HERC6: variants seen among roughly 807,000 people sequenced by gnomAD.
HERC6 encodes the protein probable E3 ubiquitin-protein ligase HERC6.
HERC6 carries 101 observed loss-of-function variants against 114.5 expected under a neutral mutation model. That is an observed-to-expected ratio of 0.88 (90% CI 0.75 to 1.04). The LOEUF (loss-of-function observed/expected upper bound fraction) is 1.04, where lower values mean the gene tolerates loss of function less well. HERC6 is among the 50% of genes least tolerant of loss of function. The pLI is 0.00. For synonymous variants in HERC6, 408 were observed against 436.2 expected (o/e 0.94, Z 0.81); for missense variants, 1,133 against 1,230.9 (o/e 0.92, Z 1.19).
intron 7 of HERC6, among the ~76,000 whole-genome samples, chr4:88,397,257 C>T (rs1306360251): frequency 6.6e-6 from 1 of 151,712 alleles, no homozygotes; most frequent in Non-Finnish European, 1.5e-5. Flanking sequence ...GGATTACAGG[C>T]ATGCGCCACC....
At chr4:88,415,580 G>A (rs1173040130) in intron 12 of HERC6, among the ~76,000 whole-genome samples, 3 of 152,096 alleles carry the variant, frequency 2.0e-5, no homozygotes, top group East Asian at 1.9e-4. Flanking sequence ...TGAGAATATC[G>A]GTCTGCATAC....
intron 3 of HERC6, among the ~76,000 whole-genome samples, chr4:88,389,151 G>A (rs1234395084): frequency 1.3e-5 from 2 of 152,050 alleles, no homozygotes; most frequent in African/African-American, 2.4e-5. Context: ...AGACACAAAG[G>A]CCATGGGGTT....
chr4:88,401,655 A>C (rs1322348591), intron 8 of HERC6, among the ~76,000 whole-genome samples: 1 of 152,138 alleles, frequency 6.6e-6, no homozygotes, highest in Non-Finnish European at 1.5e-5. Flanking sequence ...AGGTAGGTTG[A>C]TGGTGGGAAG....
chr4:88,408,673 G>C, intron 11 of HERC6, 56 bp downstream of exon 11: 1 of 1,181,868 alleles, frequency 8.5e-7, no homozygotes, highest in Non-Finnish European at 1.2e-6. Context: ...GTTTATTTTT[G>C]TTGGAAGCTG....
At chr4:88,441,508 T>G (rs555616985) in intron 22 of HERC6, among the ~76,000 whole-genome samples, 2 of 152,178 alleles carry the variant, frequency 1.3e-5, no homozygotes, top group South Asian at 4.2e-4. Flanking sequence ...AAGCCCAGGC[T>G]CTTGAGCACT....
chr4:88,407,522 C>T (rs964525823), intron 10 of HERC6, among the ~76,000 whole-genome samples: 6 of 152,088 alleles, frequency 3.9e-5, no homozygotes, highest in Non-Finnish European at 8.8e-5. Context: ...ACCTCAGCCT[C>T]ACAAGTAGCT....
chr4:88,379,152 G>A (rs1463635015), intron 1 of HERC6, 32 bp downstream of exon 1: 40 of 1,505,738 alleles, frequency 2.7e-5, no homozygotes, highest in Non-Finnish European at 3.5e-5. Flanking sequence ...CAGGGTGTGA[G>A]GACCCCAGTA....
intron 5 of HERC6, 59 bp downstream of exon 5, chr4:88,393,641 A>G (rs1735040975): frequency 2.0e-6 from 2 of 1,006,356 alleles, no homozygotes; most frequent in African/African-American, 1.6e-5. Flanking sequence ...CAAGATACAT[A>G]TGTACTAATT....
chr4:88,392,381 G>T (rs556054755), intron 4 of HERC6, among the ~76,000 whole-genome samples: 5 of 151,412 alleles, frequency 3.3e-5, no homozygotes, highest in African/African-American at 1.2e-4. Context: ...ATAGCCTTGG[G>T]GTTTCACCAT....
intron 10 of HERC6, among the ~76,000 whole-genome samples, chr4:88,407,475 C>T (rs910361459): frequency 6.6e-6 from 1 of 152,056 alleles, no homozygotes. Flanking sequence ...ATCATAGCTC[C>T]CTGTAGCCTT....
At chr4:88,437,059 C>CGT in intron 19 of HERC6, 88 bp downstream of exon 19, 1 of 1,011,702 alleles carries the variant, frequency 9.9e-7, no homozygotes, top group Non-Finnish European at 1.4e-6. Flanking sequence ...ATTTGGGATC[C>CGT]CTTTTTTTTT....
In HERC6 at chr4:88,385,512, C is replaced by G. The variant is rs370708346; in HGVS notation, c.373C>G (p.Leu125Val). The G allele has an allele frequency of 2.0e-5, 29 of 1,456,566 alleles. No individual in the cohort carries two copies. Among genetic ancestry groups the G allele is most frequent in the Non-Finnish European group, 2.5e-5 (27 of 1,077,574 alleles). 90.2% of individuals were successfully genotyped at this position (1,456,566 alleles called of 1,614,324 possible). ...TTTGTATTATAGGAAAATAATGACT[C>G]TGAATGATATAAAAATAATACAAGT... is the stretch of plus-strand genomic sequence containing the variant. ...ISFTPKKIMT[L>V]NDIKIIQVSC... The change falls in exon 3 of 23, where the codon CTG becomes GTG. Residue 125 changes from leucine (L) to valine (V), a missense_variant. Around this residue, in one of 3 missense-constraint regions of HERC6, gnomAD observed 735 missense variants for 754.0 expected, o/e 0.97. Transcript: ENST00000264346.
In HERC6 at chr4:88,428,658, T is replaced by G; in HGVS notation, c.2014T>G (p.Phe672Val). 2 of 1,607,936 alleles carry G rather than the reference T, an allele frequency of 1.2e-6. No homozygotes were observed. Among genetic ancestry groups the G allele is most frequent in the Non-Finnish European group, 1.7e-6 (2 of 1,177,166 alleles). ...KKDEFPPSPR[F>V]ILRVRRSRLV... ...GGATGAATTTCCTCCATCACCCAGA[T>G]TTATACTTAGAGTCAGACGAAGTCG... is the stretch of plus-strand genomic sequence containing the variant. The change falls in exon 16 of 23, where the codon TTT becomes GTT. Residue 672 changes from phenylalanine to valine, a missense_variant. This residue lies in a region of HERC6 where 388 missense variants were observed against 445.9 expected (regional missense o/e 0.87). Transcript: ENST00000264346.
intron 13 of HERC6, among the ~76,000 whole-genome samples, chr4:88,421,451 CTT>C (rs200388722): frequency 4.5e-5 from 6 of 133,880 alleles, no homozygotes; most frequent in Admixed American, 7.3e-5. Flanking sequence ...CTTTTCTTTT[CTT>C]TTTTTTTTTT....
rs777577874 is a variant in HERC6 at position 88,431,143 on chromosome 4, CTA to C, written c.2107-17_2107-16del. The C allele has an allele frequency of 6.3e-7, 1 of 1,598,696 alleles. No homozygotes were observed. The highest frequency in any genetic ancestry group is 1.1e-5 in the South Asian group (1 of 87,622). On this transcript the variant is annotated splice_polypyrimidine_tract_variant and intron_variant, in intron 16 of 22. Transcript: ENST00000264346. ...TTGTATTTTAAGTCAGGATCTGGGA[CTA>C]TGTTCTCTTTCCTTAGGTTGAATTT...
chr4:88,391,303 C>T (rs1037606486), intron 4 of HERC6, among the ~76,000 whole-genome samples: 2 of 152,222 alleles, frequency 1.3e-5, no homozygotes, highest in African/African-American at 4.8e-5. Context: ...ATTACTTTCA[C>T]ATAGACTCTT....
chr4:88,407,965 AG>A (rs1735891748), intron 10 of HERC6, among the ~76,000 whole-genome samples: 2 of 152,232 alleles, frequency 1.3e-5, no homozygotes, highest in Non-Finnish European at 2.9e-5. Flanking sequence ...ACAACAATCC[AG>A]GATGGGTGCA....
chr4:88,437,960 G>A (rs558254439), intron 20 of HERC6, among the ~76,000 whole-genome samples, 179 bp downstream of exon 20: 6 of 152,076 alleles, frequency 3.9e-5, no homozygotes, highest in Non-Finnish European at 7.4e-5. Flanking sequence ...CCAACATGGC[G>A]AAACCCCGTC....
At chr4:88,399,275 A>G (rs1735413488) in intron 8 of HERC6, 1 of 152,188 alleles carries the variant, frequency 6.6e-6, no homozygotes, top group Non-Finnish European at 1.5e-5. Flanking sequence ...CTGTTGGGAT[A>G]GTTAGGAGAC....
Sources: gnomAD v4.1 joint callset for allele counts (sites outside exome capture counted in the v4.1 genomes callset) on GRCh38, gnomAD v4.1.1 for gene constraint, gnomAD v4.1.1 regional missense constraint, MANE v1.5 for transcripts, NCBI Gene and HGNC (gene_info 2026-07-23, HGNC 2026-07-21) for gene names.